CDK8: variants seen among roughly 807,000 people sequenced by gnomAD.
CDK8 encodes cyclin dependent kinase 8.
A neutral mutation model predicts 71.5 loss-of-function variants in CDK8; 29 were observed. That is an observed-to-expected ratio of 0.41 (90% CI 0.30 to 0.55). CDK8 has a LOEUF of 0.55. Among genes scored for constraint, CDK8 ranks in the 20% least tolerant of loss-of-function variants. CDK8 has a pLI of 0.37. For missense variants in CDK8, 288 were observed against 572.6 expected (o/e 0.50, Z 5.07); for synonymous variants, 161 against 192.1 (o/e 0.84, Z 1.34).
intron 1 of CDK8, among the ~76,000 whole-genome samples, chr13:26,314,643 A>T (rs1874428760): frequency 6.6e-6 from 1 of 152,228 alleles, no homozygotes; most frequent in Admixed American, 6.5e-5. Context: ...TTATCCATGG[A>T]GTCACCATGC....
chr13:26,260,190 G>A (rs771010078), intron 1 of CDK8, among the ~76,000 whole-genome samples: 1 of 152,074 alleles, frequency 6.6e-6, no homozygotes, highest in Non-Finnish European at 1.5e-5. Flanking sequence ...TCCCTGGCCA[G>A]CATTTTTTGA....
intron 4 of CDK8, among the ~76,000 whole-genome samples, chr13:26,382,165 A>C (rs2138045040): frequency 6.6e-6 from 1 of 152,306 alleles, no homozygotes; most frequent in Middle Eastern, 3.4e-3. Context: ...TACCACCATA[A>C]AAGACTATAG....
rs1351255442 is a variant in CDK8, at chr13:26,405,186, A to T, written c.*1105A>T. 1.1e-5 allele frequency: 2 copies of T among 174,946 alleles called. No individual in the cohort carries two copies. Among genetic ancestry groups the T allele is most frequent in the African/African-American group, 4.7e-5 (2 of 42,214 alleles). 10.8% of individuals were successfully genotyped at this position (174,946 alleles called of 1,614,324 possible). A position where few individuals can be genotyped will look rare whatever the true frequency, so the allele number is the denominator to read the frequency against. ...AGTATTCTGAATAAAAAATAATTGA[A>T]CATTGTTAAAAACAAGGTGTTATGT... On this transcript the variant is annotated 3_prime_UTR_variant, in exon 13 of 13. Transcript: ENST00000381527.
chr13:26,385,187 GA>G (rs778837496), intron 5 of CDK8, 23 bp from the exon 6 acceptor site: 5 of 1,556,032 alleles, frequency 3.2e-6, no homozygotes, highest in East Asian at 2.3e-5. Flanking sequence ...TACTTAGCAT[GA>G]TTTTTTTTTT....
intron 4 of CDK8, among the ~76,000 whole-genome samples, chr13:26,354,948 A>C (rs1418403636): frequency 1.3e-5 from 2 of 152,206 alleles, no homozygotes; most frequent in African/African-American, 4.8e-5. Context: ...AAGGTTTATA[A>C]AGGCACCTTC....
chr13:26,383,847 C>G (rs1003868994), intron 5 of CDK8, among the ~76,000 whole-genome samples: 2 of 152,198 alleles, frequency 1.3e-5, no homozygotes, highest in Admixed American at 1.3e-4. Context: ...TGTGCCTTAA[C>G]ATACTCCAAG....
At chr13:26,380,936 A>G (rs1875197063) in intron 4 of CDK8, among the ~76,000 whole-genome samples, 1 of 152,000 alleles carries the variant, frequency 6.6e-6, no homozygotes, top group African/African-American at 2.4e-5. Flanking sequence ...TCTATATATC[A>G]TTTTGTGTTC....
intron 4 of CDK8, among the ~76,000 whole-genome samples, chr13:26,358,269 A>G (rs1873982415): frequency 1.3e-5 from 2 of 152,158 alleles, no homozygotes; most frequent in Admixed American, 1.3e-4. Flanking sequence ...ACTGCACTCC[A>G]GCCTGGGCAA....
chr13:26,298,694 C>T (rs1873677972), intron 1 of CDK8, among the ~76,000 whole-genome samples: 1 of 152,138 alleles, frequency 6.6e-6, no homozygotes, highest in Admixed American at 6.6e-5. Context: ...ATTTGTGGCA[C>T]TCAGAGAGAC....
chr13:26,297,999 C>T (rs763598508), intron 1 of CDK8, among the ~76,000 whole-genome samples: 1 of 152,022 alleles, frequency 6.6e-6, no homozygotes, highest in Non-Finnish European at 1.5e-5. Flanking sequence ...GGCAATATCC[C>T]ATTGCCCCTA....
At chr13:26,339,697 T>TTATG (rs1381007647) in intron 2 of CDK8, among the ~76,000 whole-genome samples, 1 of 122,234 alleles carries the variant, frequency 8.2e-6, no homozygotes, top group African/African-American at 3.5e-5. Context: ...ACTTTCCATT[T>TTATG]TATTTATTTA....
chr13:26,368,927 C>T (rs1356800450), intron 4 of CDK8, among the ~76,000 whole-genome samples: 1 of 152,072 alleles, frequency 6.6e-6, no homozygotes, highest in Non-Finnish European at 1.5e-5. Context: ...GTGGAACCAA[C>T]ACACTGTCAT....
At position 26,382,776 on chromosome 13, in the gene CDK8, A is replaced by G. The variant is rs575166524; in HGVS notation, c.457-38A>G. The G allele has an allele frequency of 7.8e-4, 1,001 of 1,280,208 alleles. 18 individuals are homozygous for G. In the South Asian group the frequency reaches 0.012, roughly 16 times the overall value. The allele number at this position is 1,280,208 out of a possible 1,614,324, so 79.3% of individuals were successfully genotyped here. On this transcript the variant is annotated intron_variant, in intron 4 of 12. Transcript: ENST00000381527. ...TATTGTCTATTTAAAAGAAACCACT[A>G]CTGTCTACTGAAAAAAAACACTATT...
At chr13:26,265,052 T>TC (rs1470117659) in intron 1 of CDK8, among the ~76,000 whole-genome samples, 1 of 152,222 alleles carries the variant, frequency 6.6e-6, no homozygotes, top group Non-Finnish European at 1.5e-5. Context: ...AGTGTAGGTA[T>TC]CCCCTTGATA....
rs1435116758 is a variant in CDK8, at chr13:26,374,073, T to C, written c.457-8741T>C. 1.4e-4 allele frequency among the ~76,000 whole-genome samples: 20 copies of C among 145,320 alleles called. 1 individual carries two copies. The highest frequency in any genetic ancestry group is 4.6e-4 in the African/African-American group (18 of 39,132). On this transcript the variant is annotated intron_variant, in intron 4 of 12. Transcript: ENST00000381527. ...AAAATTAGCTGGGCGTGGTGGTGGGTGCCTGTAGTCCCAGCTGCTCGAGAG... is the reference window on the plus strand; with the variant it reads ...AAAATTAGCTGGGCGTGGTGGTGGGCGCCTGTAGTCCCAGCTGCTCGAGAG...
chr13:26,364,269 A>G (rs906919574), intron 4 of CDK8, among the ~76,000 whole-genome samples: 1 of 152,230 alleles, frequency 6.6e-6, no homozygotes, highest in Admixed American at 6.5e-5. Context: ...ATTAGAATAA[A>G]TATGAGAGTG....
At chr13:26,256,542 A>G (rs1308518600) in intron 1 of CDK8, among the ~76,000 whole-genome samples, 1 of 152,232 alleles carries the variant, frequency 6.6e-6, no homozygotes, top group Non-Finnish European at 1.5e-5. Context: ...AGCTAATAAA[A>G]TATGCATATT....
At chr13:26,384,151 C>A (rs898793116) in intron 5 of CDK8, among the ~76,000 whole-genome samples, 2 of 151,980 alleles carry the variant, frequency 1.3e-5, no homozygotes, top group East Asian at 1.9e-4. Context: ...GGGAACGCTA[C>A]GTCTTAAAGC....
At chr13:26,396,221 C>CT (rs1875985453) in intron 7 of CDK8, 64 bp from the exon 8 acceptor site, 2 of 687,034 alleles carry the variant, frequency 2.9e-6, no homozygotes, top group South Asian at 4.7e-5. Flanking sequence ...TGGTAATAAC[C>CT]TTTTTAAAAA....
Sources: allele counts gnomAD v4.1 joint callset (sites outside exome capture counted in the v4.1 genomes callset), GRCh38; gene constraint gnomAD v4.1.1; transcripts MANE v1.5; gene names NCBI Gene and HGNC (gene_info 2026-07-23, HGNC 2026-07-21).